The following KCNH3 variants were observed in gnomAD, a reference collection of about 807,000 sequenced individuals.
The protein encoded by KCNH3 is potassium voltage-gated channel subfamily H member 3, also known as voltage-gated inwardly rectifying potassium channel KCNH3.
KCNH3 carries 36 observed loss-of-function variants against 95.6 expected under a neutral mutation model. The observed-to-expected ratio is 0.38, with a 90% CI of 0.29 to 0.50. The LOEUF is 0.50. Ranked by LOEUF, KCNH3 falls within the 20% of genes least tolerant of loss-of-function variation. The pLI is 0.95. For missense variants in KCNH3, 1,030 were observed against 1,484.1 expected (o/e 0.69, Z 5.03); for synonymous variants, 620 against 646.3 (o/e 0.96, Z 0.62).
chr12:49,541,131 C>T lies in KCNH3; in HGVS notation c.309C>T (p.Ser103=), dbSNP rs151191732. The change falls in exon 2 of 15, where the codon AGC becomes AGT. Residue 103 remains serine (S), a splice_region_variant and synonymous_variant. Transcript: ENST00000257981. The part of the protein sequence containing the change: ...FKAELILYRK[S]GLPFWCLLDV... ...CTGAGCTGATCCTGTACCGGAAGAG[C>T]GGTGAGGGGCCACCTGGCCAGCCTG... The T allele has an allele frequency of 1.4e-5, 23 of 1,598,290 alleles. No homozygotes were observed. Among genetic ancestry groups the T allele is most frequent in the Admixed American group, 3.3e-5 (2 of 59,920 alleles).
At chr12:49,543,664 T>G in intron 5 of KCNH3, 146 bp downstream of exon 5, 2 of 1,203,400 alleles carry the variant, frequency 1.7e-6, no homozygotes, top group Non-Finnish European at 2.3e-6. Flanking sequence ...CAGACCTAGG[T>G]TCCAAACATC....
chr12:49,549,736 T>G, intron 9 of KCNH3, 96 bp downstream of exon 9: 1 of 1,258,240 alleles, frequency 7.9e-7, no homozygotes, highest in Non-Finnish European at 1.1e-6. Context: ...GAATGCAGAA[T>G]TTTGGCCCCT....
intron 10 of KCNH3, among the ~76,000 whole-genome samples, chr12:49,552,743 C>T (rs562155692): frequency 6.6e-6 from 1 of 152,292 alleles, no homozygotes; most frequent in East Asian, 1.9e-4. Flanking sequence ...TGTCCTGTTT[C>T]TCATTTTCTC....
At position 49,555,877 on chromosome 12, in the gene KCNH3, T is replaced by C; in HGVS notation, c.2394T>C (p.Ser798=). 2 of 1,608,744 alleles carry C rather than the reference T, an allele frequency of 1.2e-6. No individual in the cohort carries two copies. Among genetic ancestry groups the C allele is most frequent in the Non-Finnish European group, 1.7e-6 (2 of 1,177,316 alleles). The change falls in exon 12 of 15, where the codon TCT becomes TCC. Residue 798 remains serine, a synonymous_variant. Coordinates refer to ENST00000257981, the MANE Select transcript of KCNH3 (RefSeq NM_012284.3). ...CTTTGAAGGCTGAGGCTGGCCCCTC[T>C]GCTCCCCCACGGGCCCTAGAGGGGC... The part of the protein sequence containing the change: ...AGALKAEAGP[S]APPRALEGLR...
intron 7 of KCNH3, among the ~76,000 whole-genome samples, chr12:49,548,509 G>C (rs1938145583): frequency 6.6e-6 from 1 of 152,168 alleles, no homozygotes; most frequent in African/African-American, 2.4e-5. Flanking sequence ...AGTCCCGTTG[G>C]ACAGGTGGAG....
intron 5 of KCNH3, 104 bp downstream of exon 5, chr12:49,543,622 C>T (rs1937951033): frequency 7.0e-7 from 1 of 1,431,810 alleles, no homozygotes; most frequent in South Asian, 1.4e-5. Flanking sequence ...CCCCCTCGCT[C>T]TCTCTCATTT....
intron 1 of KCNH3, 26 bp from the exon 2 acceptor site, chr12:49,540,873 C>T (rs940010053): frequency 1.9e-6 from 3 of 1,596,748 alleles, no homozygotes; most frequent in African/African-American, 2.7e-5. Flanking sequence ...CACCCCACGC[C>T]TCCTCTGAGA....
chr12:49,548,742 G>A (rs1481073822), intron 7 of KCNH3, among the ~76,000 whole-genome samples, 153 bp from the exon 8 acceptor site: 1 of 152,198 alleles, frequency 6.6e-6, no homozygotes, highest in Non-Finnish European at 1.5e-5. Context: ...GAGGGTTGAG[G>A]GGGTGGAGAG....
chr12:49,552,024 A>C (rs1220773768), intron 10 of KCNH3, among the ~76,000 whole-genome samples: 3 of 152,240 alleles, frequency 2.0e-5, no homozygotes, highest in Non-Finnish European at 4.4e-5. Context: ...TACATCTTTC[A>C]TGAGTCCAGC....
At chr12:49,544,153 T>TCCCTCCCTCCCC (rs1937973784) in intron 6 of KCNH3, 22 bp from the exon 7 acceptor site, 22 of 371,302 alleles carry the variant, frequency 5.9e-5, no homozygotes, top group Non-Finnish European at 2.0e-5. Context: ...CCTCCCTCCC[T>TCCCTCCCTCCCC]CCCTCCCTCC....
intron 6 of KCNH3, 43 bp downstream of exon 6, chr12:49,544,115 G>C (rs753367348): frequency 2.5e-6 from 4 of 1,605,528 alleles, no homozygotes; most frequent in Non-Finnish European, 3.4e-6. Context: ...CTTGGCCAGG[G>C]GACAGGCAGG....
At chr12:49,540,099 G>C (rs933471637) in intron 1 of KCNH3, among the ~76,000 whole-genome samples, 2 of 152,172 alleles carry the variant, frequency 1.3e-5, no homozygotes, top group African/African-American at 4.8e-5. Flanking sequence ...GGTTCTGGGG[G>C]CTCTGAGCAC....
At chr12:49,542,866 A>G (rs776462287) in intron 4 of KCNH3, 27 bp downstream of exon 4, 13 of 1,601,672 alleles carry the variant, frequency 8.1e-6, no homozygotes, top group South Asian at 7.9e-5. Context: ...GATGTGTGGG[A>G]GAGGGGAGGG....
intron 7 of KCNH3, among the ~76,000 whole-genome samples, chr12:49,546,663 C>T (rs536792828): frequency 2.2e-4 from 34 of 152,292 alleles, no homozygotes; most frequent in African/African-American, 7.5e-4. Flanking sequence ...CCCCAGCCTC[C>T]GGGACAGCTC....
intron 6 of KCNH3, 26 bp from the exon 7 acceptor site, chr12:49,544,149 T>G: frequency 1.7e-5 from 9 of 516,862 alleles, no homozygotes; most frequent in Non-Finnish European, 2.8e-5. Flanking sequence ...CCTCCCTCCC[T>G]CCCTCCCTCC....
intron 2 of KCNH3, 152 bp downstream of exon 2, chr12:49,541,284 T>C (rs1404474295): frequency 4.4e-6 from 3 of 687,908 alleles, no homozygotes; most frequent in Non-Finnish European, 7.4e-6. Flanking sequence ...CCCCTCTTGC[T>C]CCATCCCACC....
chr12:49,550,472 C>G, intron 10 of KCNH3, 143 bp downstream of exon 10: 1 of 1,072,288 alleles, frequency 9.3e-7, no homozygotes, highest in Non-Finnish European at 1.3e-6. Flanking sequence ...TTATGGAGTC[C>G]TGGTCAAAGC....
intron 13 of KCNH3, 117 bp downstream of exon 13, chr12:49,556,593 C>T: frequency 1.3e-6 from 1 of 776,346 alleles, no homozygotes; most frequent in East Asian, 2.7e-5. Flanking sequence ...TGCCTGGAGG[C>T]CGTCTCACCC....
In KCNH3 at chr12:49,549,040, C is replaced by G. The variant is rs1460947090; in HGVS notation, c.1335C>G (p.Gly445=). 23 of 1,611,988 alleles carry G rather than the reference C, an allele frequency of 1.4e-5. No homozygotes were observed. The highest frequency in any genetic ancestry group is 1.6e-5 in the Non-Finnish European group (19 of 1,179,626). The change falls in exon 8 of 15, where the codon GGC becomes GGG. Residue 445 remains glycine, a synonymous_variant. Transcript: ENST00000257981. Reference sequence around the variant, plus strand: ...GGACGGGGCTGGAGCTGCTGGGCGGCCCGTCGCTGCGCAGCGCCTACATCA... The same window carrying G: ...GGACGGGGCTGGAGCTGCTGGGCGGGCCGTCGCTGCGCAGCGCCTACATCA... ...ANGTGLELLG[G]PSLRSAYITS... is the part of the protein sequence containing the mutation.
Sources: allele counts gnomAD v4.1 joint callset (sites outside exome capture counted in the v4.1 genomes callset), GRCh38; gene constraint gnomAD v4.1.1; transcripts MANE v1.5; gene names NCBI Gene and HGNC (gene_info 2026-07-23, HGNC 2026-07-21).